Variants in CYP2U1 observed in about 807,000 individuals in gnomAD.
The protein encoded by CYP2U1 is cytochrome P450 2U1.
Under a neutral mutation model 42.8 loss-of-function variants are expected in CYP2U1, and 28 were observed. The ratio of observed to expected loss-of-function variants is 0.65; its 90% CI spans 0.48 to 0.90. The LOEUF (loss-of-function observed/expected upper bound fraction) is 0.90, where lower values mean the gene tolerates loss of function less well. Ranked by LOEUF, CYP2U1 falls within the 40% of genes least tolerant of loss-of-function variation. The pLI, the probability that CYP2U1 is intolerant of heterozygous loss-of-function variation, is 0.00. For synonymous variants in CYP2U1, 296 were observed against 278.9 expected (o/e 1.06, Z -0.61); for missense variants, 642 against 693.8 (o/e 0.93, Z 0.84).
In CYP2U1 at chr4:107,932,193, TG is replaced by T. The variant is rs1405580621; in HGVS notation, c.490+65del. 6.5e-6 allele frequency: 10 copies of T among 1,533,424 alleles called. No individual in the cohort carries two copies. In the African/African-American group the frequency reaches 8.2e-5, roughly 13 times the overall value. 95.0% of individuals were successfully genotyped at this position (1,533,424 alleles called of 1,614,324 possible). ...TGCCGCGGATGAGTCTCCAGGTGCG[TG>T]GGGGCTGCAGTTCCTGTGCCCCTTC... On this transcript the variant is annotated intron_variant, in intron 1 of 4. Transcript: ENST00000332884.
In CYP2U1 at chr4:107,951,879, G is replaced by A. The variant is rs1733920698; in HGVS notation, c.*1456G>A. On this transcript the variant is annotated 3_prime_UTR_variant, in exon 5 of 5. Transcript: ENST00000332884. Reference sequence around the variant, plus strand: ...GCATACTGTAGTGGATGAAGCTGAGGCTTATAGTAGGTAAGGCACAAAGTT... The same window carrying A: ...GCATACTGTAGTGGATGAAGCTGAGACTTATAGTAGGTAAGGCACAAAGTT... 6.6e-6 allele frequency: 1 copy of A among 152,170 alleles called. No homozygotes were observed. Among genetic ancestry groups the A allele is most frequent in the South Asian group, 2.1e-4 (1 of 4,830 alleles). 9.4% of individuals were successfully genotyped at this position (152,170 alleles called of 1,614,324 possible). A position where few individuals can be genotyped will look rare whatever the true frequency, so the allele number is the denominator to read the frequency against.
intron 1 of CYP2U1, among the ~76,000 whole-genome samples, chr4:107,934,197 G>C (rs62311380): frequency 0.18 from 25,331 of 140,640 alleles, 2,373 homozygotes; most frequent in Non-Finnish European, 0.22. Flanking sequence ...TTTCACACTT[G>C]CTTTTAAGAT....
At chr4:107,943,101 T>C (rs1033055364) in intron 1 of CYP2U1, among the ~76,000 whole-genome samples, 3 of 152,216 alleles carry the variant, frequency 2.0e-5, no homozygotes, top group Non-Finnish European at 2.9e-5. Context: ...AAAAAGCTGC[T>C]CTGACCCACT....
chr4:107,935,853 G>C (rs1312839161), intron 1 of CYP2U1: 1 of 152,166 alleles, frequency 6.6e-6, no homozygotes, highest in Non-Finnish European at 1.5e-5. Flanking sequence ...GAAACAAGAT[G>C]TGTAGGCCAT....
chr4:107,931,664 G>A lies in CYP2U1; in HGVS notation c.21G>A (p.Ser7=). MSSPGP[S]QPPAEDPPWP... ...GGACCATGTCGTCTCCGGGGCCGTC[G>A]CAGCCGCCGGCCGAGGACCCGCCCT... The change falls in exon 1 of 5, where the codon TCG becomes TCA. Residue 7 remains serine (S), a synonymous_variant. Transcript: ENST00000332884. The A allele has an allele frequency of 7.9e-7, 1 of 1,260,738 alleles. No homozygotes were observed. The highest frequency in any genetic ancestry group is 3.1e-5 in the South Asian group (1 of 32,134). The allele number at this position is 1,260,738 out of a possible 1,614,324, so 78.1% of individuals were successfully genotyped here.
intron 3 of CYP2U1, 124 bp from the exon 4 acceptor site, chr4:107,949,226 G>A (rs564755945): frequency 1.1e-6 from 1 of 924,444 alleles, no homozygotes; most frequent in East Asian, 3.0e-5. Context: ...GTACCTCACA[G>A]TTTGGTCTCA....
intron 3 of CYP2U1, among the ~76,000 whole-genome samples, chr4:107,948,926 C>T (rs1425369478): frequency 6.6e-6 from 1 of 152,026 alleles, no homozygotes; most frequent in Non-Finnish European, 1.5e-5. Flanking sequence ...GGGTTGGCTA[C>T]CCTGTATATT....
At chr4:107,933,184 T>C (rs1345681350) in intron 1 of CYP2U1, among the ~76,000 whole-genome samples, 1 of 152,204 alleles carries the variant, frequency 6.6e-6, no homozygotes, top group Non-Finnish European at 1.5e-5. Flanking sequence ...AGGTGCCTCC[T>C]AGCGTAGTGA....
In CYP2U1 at chr4:107,932,068, A is replaced by T. The variant is rs140010604; in HGVS notation, c.425A>T (p.Gln142Leu). 23 of 1,591,586 alleles carry T rather than the reference A, an allele frequency of 1.4e-5. No homozygotes were observed. The African/African-American group carries it at 3.0e-4, about 20-fold the overall frequency. Residue 142 changes from glutamine to leucine, a missense_variant, in exon 1 of 5, where the codon CAG becomes CTG. Physicochemically the swap from Gln to Leu is moderately radical, Grantham distance 113. Transcript: ENST00000332884. ...CACAGCGTGCGCGAGGCGCTGGTGC[A>T]GCAGGCCGAGGTCTTCAGCGACCGC... ...DFHSVREALV[Q>L]QAEVFSDRPR...
At position 107,932,017 on chromosome 4, in the gene CYP2U1, A is replaced by C; in HGVS notation, c.374A>C (p.Tyr125Ser). 6.4e-7 allele frequency: 1 copy of C among 1,561,732 alleles called. No individual in the cohort carries two copies. The highest frequency in any genetic ancestry group is 8.7e-7 in the Non-Finnish European group (1 of 1,153,426). ...GSIFSFFIGH[Y>S]LVVVLSDFHS... Reference sequence around the variant, plus strand: ...ATCTTCAGCTTCTTTATCGGCCACTACCTGGTGGTGGTCCTCAGCGACTTC... The same window carrying C: ...ATCTTCAGCTTCTTTATCGGCCACTCCCTGGTGGTGGTCCTCAGCGACTTC... The change falls in exon 1 of 5, where the codon TAC becomes TCC. Residue 125 changes from tyrosine (Y) to serine (S), a missense_variant. Tyr to Ser is a moderately radical substitution (Grantham distance 144). Coordinates refer to ENST00000332884, the MANE Select transcript of CYP2U1 (RefSeq NM_183075.3).
Position 107,947,478 on chromosome 4 carries a change from T to G in CYP2U1, c.1229T>G (p.Val410Gly). 1.9e-6 allele frequency: 3 copies of G among 1,614,128 alleles called. No homozygotes were observed. The highest frequency in any genetic ancestry group is 2.5e-6 in the Non-Finnish European group (3 of 1,180,000). Residue 410 changes from valine (V) to glycine (G), a missense_variant, in exon 3 of 5, where the codon GTG becomes GGG. Coordinates refer to ENST00000332884, the MANE Select transcript of CYP2U1 (RefSeq NM_183075.3). ...TACACAGAAGCCACCATCATGGAAG[T>G]GCAGAGGCTAACTGTGGTGGTGCCG... ...MPYTEATIMEVQRLTVVVPLA... is the reference protein window; with the variant it reads ...MPYTEATIMEGQRLTVVVPLA...
Position 107,950,251 on chromosome 4 carries a change from G to A in CYP2U1, c.1463G>A (p.Arg488Gln), listed in dbSNP as rs762873672. The A allele has an allele frequency of 1.6e-5, 25 of 1,596,634 alleles. No individual in the cohort carries two copies. Among genetic ancestry groups the A allele is most frequent in the East Asian group, 9.0e-5 (4 of 44,610 alleles). ...ETFIPFGIGKRVCMGEQLAKM... is the reference protein window; with the variant it reads ...ETFIPFGIGKQVCMGEQLAKM... ...TTTCTGATCTCATTTTTAGGGAAGC[G>A]GGTGTGTATGGGAGAACAACTGGCA... Residue 488 changes from arginine (R) to glutamine (Q), a missense_variant, in exon 5 of 5, where the codon CGG (arginine) becomes CAG (glutamine). Arg to Gln is a conservative substitution (Grantham distance 43). Coordinates refer to ENST00000332884, the MANE Select transcript of CYP2U1 (RefSeq NM_183075.3).
chr4:107,933,600 T>C (rs1733132461), intron 1 of CYP2U1, among the ~76,000 whole-genome samples: 1 of 152,212 alleles, frequency 6.6e-6, no homozygotes, highest in African/African-American at 2.4e-5. Context: ...AGACTAATAT[T>C]CCATCATATG....
intron 1 of CYP2U1, 97 bp downstream of exon 1, chr4:107,932,230 C>T: frequency 4.1e-6 from 6 of 1,463,814 alleles, no homozygotes; most frequent in African/African-American, 2.8e-5. Flanking sequence ...CGGCCGCCCG[C>T]GCCCCCAGGC....
rs1365229805 is a variant in CYP2U1 at position 107,953,411 on chromosome 4, A to G, written c.*2988A>G. 1.3e-5 allele frequency: 2 copies of G among 152,224 alleles called. No individual in the cohort carries two copies. Among genetic ancestry groups the G allele is most frequent in the African/African-American group, 4.8e-5 (2 of 41,464 alleles). 9.4% of individuals were successfully genotyped at this position (152,224 alleles called of 1,614,324 possible). A position where few individuals can be genotyped will look rare whatever the true frequency, so the allele number is the denominator to read the frequency against. On this transcript the variant is annotated 3_prime_UTR_variant, in exon 5 of 5. Transcript: ENST00000332884. Reference sequence around the variant, plus strand: ...AAGTCTACCTAATATCTCATTTTTGATTCTCATCGTTAGCACAGTTTTGTT... The same window carrying G: ...AAGTCTACCTAATATCTCATTTTTGGTTCTCATCGTTAGCACAGTTTTGTT...
chr4:107,932,260 G>GAACT, intron 1 of CYP2U1, 127 bp downstream of exon 1: 5 of 1,413,260 alleles, frequency 3.5e-6, no homozygotes, highest in Non-Finnish European at 4.6e-6. Context: ...CCTGCATCCT[G>GAACT]AACTAACAGG....
At chr4:107,949,804 G>C (rs935774356) in intron 4 of CYP2U1, among the ~76,000 whole-genome samples, 22 of 152,106 alleles carry the variant, frequency 1.4e-4, no homozygotes, top group African/African-American at 5.1e-4. Flanking sequence ...TGGTCTGGTG[G>C]GTGAGAGGAT....
At chr4:107,933,029 G>A (rs2126190103) in intron 1 of CYP2U1, among the ~76,000 whole-genome samples, 1 of 152,318 alleles carries the variant, frequency 6.6e-6, no homozygotes, top group Admixed American at 6.5e-5. Flanking sequence ...CATAGTAGGA[G>A]TTCAAGTATC....
chr4:107,940,611 GTT>G, intron 1 of CYP2U1: 1 of 149,924 alleles, frequency 6.7e-6, no homozygotes, highest in South Asian at 2.1e-4. Context: ...TAACATTTTG[GTT>G]TTTTTTTCAA....
Sources: gnomAD v4.1 joint callset for allele counts (sites outside exome capture counted in the v4.1 genomes callset) on GRCh38, gnomAD v4.1.1 for gene constraint, MANE v1.5 for transcripts, NCBI Gene and HGNC (gene_info 2026-07-23, HGNC 2026-07-21) for gene names.